Variants in N4BP2 observed in about 807,000 individuals in gnomAD.
N4BP2 encodes the protein NEDD4 binding protein 2, also known as NEDD4-binding protein 2.
In N4BP2, 91 loss-of-function variants were observed where a neutral mutation model predicts 152.8. The ratio of observed to expected loss-of-function variants is 0.60; its 90% confidence interval spans 0.50 to 0.71. The LOEUF (loss-of-function observed/expected upper bound fraction) is 0.71. Ranked by LOEUF, N4BP2 falls within the 30% of genes least tolerant of loss-of-function variation. The pLI is 0.00. For synonymous variants in N4BP2, 646 were observed against 705.3 expected (o/e 0.92, Z 1.33); for missense variants, 1,923 against 2,059.1 (o/e 0.93, Z 1.28).
chr4:40,142,290 G>T, intron 14 of N4BP2: 2 of 325,456 alleles, frequency 6.1e-6, no homozygotes, highest in South Asian at 6.5e-5. Flanking sequence ...TTTGGATCAT[G>T]GCCCTCCTCT....
chr4:40,091,384 T>G (rs910494264), intron 2 of N4BP2, among the ~76,000 whole-genome samples: 5 of 152,126 alleles, frequency 3.3e-5, no homozygotes, highest in African/African-American at 4.8e-5. Flanking sequence ...AAATACAATG[T>G]CAGCTGTAGG....
Position 40,097,280 on chromosome 4 carries a change from T to G in N4BP2, c.-61T>G. 7.1e-7 allele frequency: 1 copy of G among 1,417,368 alleles called. No individual in the cohort carries two copies. The highest frequency in any genetic ancestry group is 1.8e-5 in the Admixed American group (1 of 56,736). 87.8% of individuals were successfully genotyped at this position (1,417,368 alleles called of 1,614,324 possible). Reference sequence around the variant, plus strand: ...ATTTAACCCTATTTTGTTTGAATTATGACTTAAATGTCAAACATCTTAACT... The same window carrying G: ...ATTTAACCCTATTTTGTTTGAATTAGGACTTAAATGTCAAACATCTTAACT... On this transcript the variant is annotated 5_prime_UTR_variant, in exon 3 of 18. An upstream start codon of the reference 5' UTR is lost. Coordinates refer to ENST00000261435, the MANE Select transcript of N4BP2 (RefSeq NM_018177.6).
chr4:40,077,310 G>A (rs1482578401), intron 2 of N4BP2, among the ~76,000 whole-genome samples: 3 of 151,638 alleles, frequency 2.0e-5, no homozygotes, highest in East Asian at 1.9e-4. Context: ...ACCATGCCTG[G>A]CTGTTTTTTG....
At chr4:40,084,665 C>T (rs1713754089) in intron 2 of N4BP2, among the ~76,000 whole-genome samples, 1 of 142,692 alleles carries the variant, frequency 7.0e-6, no homozygotes. Context: ...GAGTTTCTCT[C>T]TGTTGCCAGG....
At chr4:40,112,058 A>G in intron 5 of N4BP2, 26 bp from the exon 6 acceptor site, 1 of 1,220,992 alleles carries the variant, frequency 8.2e-7, no homozygotes, top group South Asian at 1.3e-5. Context: ...TTAAAAAATG[A>G]TTTTTAATTA....
intron 2 of N4BP2, among the ~76,000 whole-genome samples, chr4:40,074,164 C>A (rs1295290850): frequency 6.6e-6 from 1 of 151,732 alleles, no homozygotes; most frequent in Non-Finnish European, 1.5e-5. Flanking sequence ...GATCTTGGCT[C>A]ACTGCAACTT....
chr4:40,182,758 C>A, the N4BP2 span, among the ~76,000 whole-genome samples: 25 of 152,090 alleles, frequency 1.6e-4, no homozygotes, highest in Middle Eastern at 3.4e-3. Context: ...CTCAATGGAA[C>A]CTCTGCCTCC....
intron 1 of N4BP2, among the ~76,000 whole-genome samples, chr4:40,070,756 C>T (rs1712074366): frequency 6.6e-6 from 1 of 151,898 alleles, no homozygotes. Flanking sequence ...CTGATACATG[C>T]TACTTATACT....
Position 40,102,097 on chromosome 4 carries a change from A to G in N4BP2, c.252A>G (p.Leu84=), listed in dbSNP as rs754008713. ...DFKVENAMDC[L]LELSATDTKI... is the part of the protein sequence containing the mutation. ...CAGTTGAAAATGCTATGGATTGTCT[A>G]TTAGAATTATCTGCCACTGATACCA... The change falls in exon 4 of 18, where the codon CTA becomes CTG. Residue 84 remains leucine (L), a synonymous_variant. Coordinates refer to ENST00000261435, the MANE Select transcript of N4BP2 (RefSeq NM_018177.6). 3.1e-6 allele frequency: 5 copies of G among 1,603,578 alleles called. No individual in the cohort carries two copies. The highest frequency in any genetic ancestry group is 1.7e-5 in the Admixed American group (1 of 57,662).
intron 12 of N4BP2, among the ~76,000 whole-genome samples, chr4:40,128,501 G>A (rs373585446): frequency 9.9e-4 from 149 of 150,872 alleles, no homozygotes; most frequent in Non-Finnish European, 1.9e-3. Flanking sequence ...ATTAATATAT[G>A]TATTAATTTG....
rs908697650 is a variant in N4BP2 at position 40,140,250 on chromosome 4, A to T, written c.4786-2423A>T. Among the ~76,000 whole-genome samples, 12 of 152,264 alleles carry T rather than the reference A, an allele frequency of 7.9e-5. No individual in the cohort carries two copies. In the East Asian group the frequency reaches 2.1e-3, roughly 27 times the overall value. On this transcript the variant is annotated intron_variant, in intron 14 of 17. Coordinates refer to ENST00000261435, the MANE Select transcript of N4BP2 (RefSeq NM_018177.6). The stretch of plus-strand genomic sequence containing the variant: ...CTTAGGTAATTTTGATTTTCATATG[A>T]TCTGTTAGTGCTACCACTGATGCCT...
At chr4:40,129,248 A>G (rs1718699285) in intron 12 of N4BP2, among the ~76,000 whole-genome samples, 1 of 151,628 alleles carries the variant, frequency 6.6e-6, no homozygotes, top group Non-Finnish European at 1.5e-5. Context: ...TTTTTTTGAG[A>G]CAGAGTCTCG....
chr4:40,142,856 C>T lies in N4BP2; in HGVS notation c.4969C>T (p.Gln1657Ter). 1 of 1,613,246 alleles carries T rather than the reference C, an allele frequency of 6.2e-7. No individual in the cohort carries two copies. Among genetic ancestry groups the T allele is most frequent in the Non-Finnish European group, 8.5e-7 (1 of 1,179,728 alleles). Reference sequence around the variant, plus strand: ...AAAAAATGTCGCCACCTTTTATGCCCAGCAGGTAAAGTGGAAAACTGATTA... The same window carrying T: ...AAAAAATGTCGCCACCTTTTATGCCTAGCAGGTAAAGTGGAAAACTGATTA... ...GKKNVATFYA[Q>*]QGTLHEQKMK... Residue 1657 changes from glutamine to a stop codon, truncating the protein, a stop_gained, in exon 15 of 18, where the codon CAG becomes TAG. Transcript: ENST00000261435. LOFTEE classifies it high-confidence loss of function.
chr4:40,065,451 A>C (rs542377993), intron 1 of N4BP2, among the ~76,000 whole-genome samples: 99 of 152,326 alleles, frequency 6.5e-4, no homozygotes, highest in Non-Finnish European at 1.2e-3. Flanking sequence ...ACAAAAGATT[A>C]GGAACAGAAC....
intron 1 of N4BP2, among the ~76,000 whole-genome samples, chr4:40,059,134 G>C (rs1323776889): frequency 6.6e-6 from 1 of 151,908 alleles, no homozygotes; most frequent in Admixed American, 6.6e-5. Flanking sequence ...GTTTTAAAAC[G>C]CTGATTATTT....
chr4:40,086,173 A>G (rs1293774148), intron 2 of N4BP2, among the ~76,000 whole-genome samples: 16 of 143,612 alleles, frequency 1.1e-4, no homozygotes, highest in African/African-American at 4.1e-4. Flanking sequence ...TTTATTAGAG[A>G]CAGGGTTTTG....
Position 40,084,264 on chromosome 4 carries a change from C to T in N4BP2, c.-115+10713C>T, listed in dbSNP as rs181435095. Among the ~76,000 whole-genome samples, 53 of 152,212 alleles carry T rather than the reference C, an allele frequency of 3.5e-4. 1 individual carries two copies. In the East Asian group the frequency reaches 7.9e-3, roughly 23 times the overall value. On this transcript the variant is annotated intron_variant, in intron 2 of 17. Transcript: ENST00000261435. ...CCGCACCCAGCTTATTTTGAATTTA[C>T]AACTGGCAGGATTTGCTGAATGATG...
At chr4:40,059,991 ATTCTTTTTTTTTT>A (rs1425833243) in intron 1 of N4BP2, among the ~76,000 whole-genome samples, 8 of 151,570 alleles carry the variant, frequency 5.3e-5, no homozygotes, top group East Asian at 3.9e-4. Flanking sequence ...CCAAAACCTT[ATTCTTTTTTTTTT>A]TTCTTTTTTT....
intron 12 of N4BP2, among the ~76,000 whole-genome samples, chr4:40,128,435 G>A (rs902385652): frequency 1.1e-4 from 16 of 151,954 alleles, no homozygotes; most frequent in Admixed American, 7.9e-4. Flanking sequence ...GCAATCCAAG[G>A]AATAACCTCT....
Sources: allele counts gnomAD v4.1 joint callset (sites outside exome capture counted in the v4.1 genomes callset), GRCh38; gene constraint gnomAD v4.1.1; transcripts MANE v1.5; gene names NCBI Gene and HGNC (gene_info 2026-07-23, HGNC 2026-07-21).